The following ZNF607 variants were observed in gnomAD, a reference collection of about 807,000 sequenced individuals.
ZNF607 encodes zinc finger protein 607.
ZNF607 carries 5 observed loss-of-function variants against 12.8 expected under a neutral mutation model. The observed-to-expected ratio is 0.39, with a 90% confidence interval of 0.20 to 0.82. The LOEUF is 0.82. ZNF607 is among the 40% of genes least tolerant of loss of function. The pLI, the probability that ZNF607 is intolerant of heterozygous loss-of-function variation, is 0.39. For missense variants in ZNF607, 851 were observed against 859.2 expected (o/e 0.99, Z 0.12); for synonymous variants, 287 against 276.2 (o/e 1.04, Z -0.39).
chr19:37,697,627 A>T lies in ZNF607; in HGVS notation c.*413T>A, dbSNP rs375716022. On this transcript the variant is annotated 3_prime_UTR_variant, in exon 5 of 5. Coordinates refer to ENST00000355202, the MANE Select transcript of ZNF607 (RefSeq NM_032689.5). ...TAAATAGCCTTTCCCATCATCGCTTATATCAACAGAGGTTTCCTGTGTAAT... is the reference window on the plus strand; with the variant it reads ...TAAATAGCCTTTCCCATCATCGCTTTTATCAACAGAGGTTTCCTGTGTAAT... 9.8e-5 allele frequency: 39 copies of T among 396,172 alleles called. No homozygotes were observed. In the East Asian group the frequency reaches 1.1e-3, roughly 11 times the overall value. 24.5% of individuals were successfully genotyped at this position (396,172 alleles called of 1,614,324 possible).
chr19:37,714,610 T>A lies in ZNF607; in HGVS notation c.-74-2918A>T, dbSNP rs1044187143. Among the ~76,000 whole-genome samples the A allele has an allele frequency of 3.3e-5, 5 of 150,230 alleles. No individual in the cohort carries two copies. The South Asian group carries it at 1.1e-3, about 32-fold the overall frequency. ...GTATGCAAAAATTAGTTACGTGGTA[T>A]CCTGCTGAAATTAAGAAGACAGGCT... On this transcript the variant is annotated intron_variant, in intron 1 of 4. Coordinates refer to ENST00000355202, the MANE Select transcript of ZNF607 (RefSeq NM_032689.5).
At chr19:37,709,091 C>T (rs911128303) in intron 3 of ZNF607, among the ~76,000 whole-genome samples, 2 of 152,136 alleles carry the variant, frequency 1.3e-5, no homozygotes, top group South Asian at 2.1e-4. Flanking sequence ...TAAGACTATA[C>T]AAGAAGAGAT....
intron 4 of ZNF607, among the ~76,000 whole-genome samples, chr19:37,701,134 T>C (rs897324674): frequency 1.3e-5 from 2 of 152,096 alleles, no homozygotes; most frequent in Non-Finnish European, 1.5e-5. Context: ...ACATAAGATA[T>C]TCCAGAGAAA....
At chr19:37,707,608 GA>G (rs1177602831) in intron 4 of ZNF607, among the ~76,000 whole-genome samples, 3 of 150,778 alleles carry the variant, frequency 2.0e-5, no homozygotes, top group Admixed American at 6.6e-5. Context: ...CATCTCTAAA[GA>G]AAAAAAAATT....
chr19:37,713,238 A>G (rs2045146962), intron 1 of ZNF607, among the ~76,000 whole-genome samples: 1 of 152,048 alleles, frequency 6.6e-6, no homozygotes, highest in Non-Finnish European at 1.5e-5. Flanking sequence ...GTTACGTGAC[A>G]TCACCAAGTA....
Position 37,696,963 on chromosome 19 carries a change from G to A in ZNF607, c.*1077C>T. The A allele has an allele frequency of 1.4e-6, 1 of 697,028 alleles. No homozygotes were observed. The highest frequency in any genetic ancestry group is 1.5e-5 in the South Asian group (1 of 66,630). The allele number at this position is 697,028 out of a possible 1,614,324, so 43.2% of individuals were successfully genotyped here. The stretch of plus-strand genomic sequence containing the variant: ...CATAAGGTTGTTGCTCACCTGGCTG[G>A]AGACCAGCTCCCTCTGGGTGATTAG... On this transcript the variant is annotated 3_prime_UTR_variant, in exon 5 of 5. Coordinates refer to ENST00000355202, the MANE Select transcript of ZNF607 (RefSeq NM_032689.5).
intron 1 of ZNF607, among the ~76,000 whole-genome samples, chr19:37,713,921 G>A (rs551366192): frequency 1.3e-5 from 2 of 152,134 alleles, no homozygotes; most frequent in Admixed American, 6.6e-5. Context: ...ATTATTCTCC[G>A]GACTATGGTA....
At chr19:37,700,138 C>T (rs1242674566) in intron 4 of ZNF607, among the ~76,000 whole-genome samples, 1 of 152,146 alleles carries the variant, frequency 6.6e-6, no homozygotes, top group Non-Finnish European at 1.5e-5. Flanking sequence ...TTGCCAAGAT[C>T]TCTGGTGTAA....
rs1174810171 is a variant in ZNF607 at position 37,711,601 on chromosome 19, T to C, written c.9+9A>G. The C allele has an allele frequency of 6.2e-7, 1 of 1,613,914 alleles. No homozygotes were observed. ...ACAAACCTCCACATGGCGAGAAATA[T>C]CAACTTACATAGGACATGGTTTGAG... is the stretch of plus-strand genomic sequence containing the variant. On this transcript the variant is annotated intron_variant, in intron 2 of 4. Coordinates refer to ENST00000355202, the MANE Select transcript of ZNF607 (RefSeq NM_032689.5).
At chr19:37,703,127 T>C (rs2045052864) in intron 4 of ZNF607, among the ~76,000 whole-genome samples, 2 of 151,912 alleles carry the variant, frequency 1.3e-5, no homozygotes, top group African/African-American at 4.8e-5. Context: ...TAATTTTGTA[T>C]TTTTAGTAGA....
At chr19:37,703,550 A>G (rs751019076) in intron 4 of ZNF607, among the ~76,000 whole-genome samples, 3 of 152,222 alleles carry the variant, frequency 2.0e-5, no homozygotes, top group Non-Finnish European at 4.4e-5. Flanking sequence ...ACCCTTATGC[A>G]CTATGTAATG....
At chr19:37,700,012 T>C in intron 4 of ZNF607, 117 bp from the exon 5 acceptor site, 2 of 1,009,428 alleles carry the variant, frequency 2.0e-6, no homozygotes, top group Non-Finnish European at 2.8e-6. Context: ...TTATAAAATA[T>C]AAAAAATGAA....
chr19:37,711,732 T>C (rs1475473091), intron 1 of ZNF607, 40 bp from the exon 2 acceptor site: 1 of 1,049,880 alleles, frequency 9.5e-7, no homozygotes, highest in Non-Finnish European at 1.5e-6. Context: ...TGTGCTTTAG[T>C]GGTCCCCATA....
At chr19:37,702,305 A>G (rs971965595) in intron 4 of ZNF607, among the ~76,000 whole-genome samples, 48 of 151,184 alleles carry the variant, frequency 3.2e-4, no homozygotes, top group Admixed American at 1.7e-3. Flanking sequence ...AAAAAAAAAA[A>G]AAAAGAAAGA....
intron 4 of ZNF607, chr19:37,706,517 T>C (rs1219162930): frequency 6.6e-6 from 1 of 152,190 alleles, no homozygotes; most frequent in African/African-American, 2.4e-5. Context: ...CTAGCAATTC[T>C]TTCTTAAATG....
At chr19:37,716,619 A>G (rs1226929658) in intron 1 of ZNF607, among the ~76,000 whole-genome samples, 1 of 152,226 alleles carries the variant, frequency 6.6e-6, no homozygotes, top group African/African-American at 2.4e-5. Flanking sequence ...ACCACACACA[A>G]GTGCTCACAC....
intron 1 of ZNF607, among the ~76,000 whole-genome samples, chr19:37,715,339 G>T (rs1340476553): frequency 6.6e-6 from 1 of 151,410 alleles, no homozygotes; most frequent in Non-Finnish European, 1.5e-5. Flanking sequence ...TTTTGGCTGG[G>T]TGTGGTGGCT....
At chr19:37,707,800 G>A (rs1289886716) in intron 4 of ZNF607, 114 bp downstream of exon 4, 5 of 804,196 alleles carry the variant, frequency 6.2e-6, no homozygotes, top group Non-Finnish European at 1.0e-5. Flanking sequence ...CCTCCTCGCT[G>A]AGAAGGGAAA....
Position 37,698,793 on chromosome 19 carries a change from G to A in ZNF607, c.1338C>T (p.Tyr446=), listed in dbSNP as rs117357379. The A allele has an allele frequency of 5.5e-3, 8,857 of 1,613,174 alleles. 29 individuals are homozygous for A. The highest frequency in any genetic ancestry group is 6.8e-3 in the Non-Finnish European group (8,057 of 1,179,780). ...CACATTCTTTACATTCAAAGGGTTT[G>A]TAACCAGTATGAATTCTGTTATGAT... is the stretch of plus-strand genomic sequence containing the variant. ...LAHHNRIHTG[Y]KPFECKECGK... is the part of the protein sequence containing the mutation. Residue 446 remains tyrosine (Y), a synonymous_variant, in exon 5 of 5, where the codon TAC becomes TAT. Coordinates refer to ENST00000355202, the MANE Select transcript of ZNF607 (RefSeq NM_032689.5).
Sources: allele counts gnomAD v4.1 joint callset (sites outside exome capture counted in the v4.1 genomes callset), GRCh38; gene constraint gnomAD v4.1.1; transcripts MANE v1.5; gene names NCBI Gene and HGNC (gene_info 2026-07-23, HGNC 2026-07-21).